The following RTL9 variants were observed in gnomAD, a reference collection of about 807,000 sequenced individuals.
RTL9 encodes the protein retrotransposon Gag-like protein 9.
A neutral mutation model predicts 44.7 loss-of-function variants in RTL9; 19 were observed. The observed-to-expected ratio is 0.42, with a 90% confidence interval of 0.30 to 0.62. The LOEUF is 0.62. Ranked by LOEUF, RTL9 falls within the 20% of genes least tolerant of loss-of-function variation. The pLI, the probability that RTL9 is intolerant of heterozygous loss-of-function variation, is 0.16. For missense variants in RTL9, 1,105 were observed against 1,080.6 expected, an observed-to-expected ratio of 1.02 and a Z score of -0.32; for synonymous variants, 407 against 398.9, an observed-to-expected ratio of 1.02 and a Z score of -0.24.
intron 1 of RTL9, among the ~76,000 whole-genome samples, chrX:110,375,563 T>C (rs2068370711): frequency 9.2e-6 from 1 of 108,696 alleles, no homozygotes; most frequent in South Asian, 3.8e-4. Context: ...AATGAATGAA[T>C]CAATCAATCA....
At chrX:110,410,958 T>G (rs1194106972) in intron 1 of RTL9, among the ~76,000 whole-genome samples, 1 of 112,121 alleles carries the variant, frequency 8.9e-6, no homozygotes, top group African/African-American at 3.2e-5. Context: ...CACTTCCTAT[T>G]TTGGTTCCTA....
chrX:110,440,612 A>C (rs756652629), intron 1 of RTL9, among the ~76,000 whole-genome samples: 40 of 112,210 alleles, frequency 3.6e-4, no homozygotes, highest in Middle Eastern at 4.6e-3. Context: ...TTTCATGCCC[A>C]GGTCTCTGAT....
chrX:110,452,844 G>A (rs2068953529), exon 1 of RTL9: 4 of 1,210,066 alleles, frequency 3.3e-6, no homozygotes, highest in Non-Finnish European at 4.5e-6. Flanking sequence ...GACCGCTGGA[G>A]GGATGCAGAT....
At position 110,374,732 on chromosome X, in the gene RTL9, T is replaced by G. The variant is rs2068364063; in HGVS notation, c.-168+15816T>G. Reference sequence around the variant, plus strand: ...TGGAGGGTGCAAAGGACAGCTTCTATGTTTGTGGGATGGAGGTAAGAAGAG... The same window carrying G: ...TGGAGGGTGCAAAGGACAGCTTCTAGGTTTGTGGGATGGAGGTAAGAAGAG... On this transcript the variant is annotated intron_variant, in intron 1 of 2. Transcript: ENST00000520821. 2.7e-5 allele frequency among the ~76,000 whole-genome samples: 3 copies of G among 110,893 alleles called. No individual in the cohort carries two copies. The South Asian group carries it at 1.1e-3, about 42-fold the overall frequency.
intron 1 of RTL9, among the ~76,000 whole-genome samples, chrX:110,423,663 A>G (rs765339385): frequency 2.1e-3 from 235 of 112,342 alleles, no homozygotes; most frequent in Non-Finnish European, 3.5e-3. Context: ...ACTATTCCAT[A>G]TGTGTCAGGC....
chrX:110,365,490 A>C (rs1476336629), intron 1 of RTL9, among the ~76,000 whole-genome samples: 1 of 112,225 alleles, frequency 8.9e-6, no homozygotes, highest in Non-Finnish European at 1.9e-5. Context: ...ATTTAAATGA[A>C]AGCAAAGGCA....
chrX:110,408,754 A>G (rs2068620604), intron 1 of RTL9, among the ~76,000 whole-genome samples: 1 of 112,354 alleles, frequency 8.9e-6, no homozygotes, highest in African/African-American at 3.2e-5. Context: ...GATTCTATAT[A>G]AAGGCACAAG....
intron 1 of RTL9, among the ~76,000 whole-genome samples, chrX:110,442,243 C>CTGTG (rs1239244774): frequency 1.3e-4 from 13 of 103,818 alleles, no homozygotes; most frequent in African/African-American, 2.6e-4. Context: ...CTCTCTCTCT[C>CTGTG]TCTCTGTGTG....
chrX:110,371,551 A>G lies in RTL9; in HGVS notation c.-168+12635A>G, dbSNP rs970895518. Among the ~76,000 whole-genome samples the G allele has an allele frequency of 4.5e-5, 5 of 110,750 alleles. No individual in the cohort carries two copies. The East Asian group carries it at 1.4e-3, about 31-fold the overall frequency. On this transcript the variant is annotated intron_variant, in intron 1 of 2. Coordinates refer to the RTL9 transcript ENST00000520821. ...CCCCCCAGCCCCCCACTACCTTCCCAGCCTCTGGTAACCATATGAATTGGC... is the reference window on the plus strand; with the variant it reads ...CCCCCCAGCCCCCCACTACCTTCCCGGCCTCTGGTAACCATATGAATTGGC...
intron 1 of RTL9, among the ~76,000 whole-genome samples, chrX:110,390,950 C>T (rs2068490031): frequency 9.0e-6 from 1 of 111,465 alleles, no homozygotes; most frequent in Non-Finnish European, 1.9e-5. Context: ...CATTTTTTGT[C>T]ATCTGGAACA....
intron 1 of RTL9, among the ~76,000 whole-genome samples, chrX:110,389,043 A>T (rs1158773233): frequency 8.9e-6 from 1 of 112,137 alleles, no homozygotes; most frequent in East Asian, 2.8e-4. Context: ...TGCACTGTGG[A>T]ACCCTAGAAG....
intron 1 of RTL9, among the ~76,000 whole-genome samples, chrX:110,441,042 G>T (rs2068876335): frequency 8.9e-6 from 1 of 112,054 alleles, no homozygotes; most frequent in African/African-American, 3.2e-5. Flanking sequence ...GGAAAGGTCA[G>T]CATATGTCAT....
At chrX:110,404,680 C>T (rs758217048) in intron 1 of RTL9, among the ~76,000 whole-genome samples, 53 of 111,581 alleles carry the variant, frequency 4.7e-4, no homozygotes, top group Non-Finnish European at 9.6e-4. Flanking sequence ...GCATCATGTG[C>T]CTTTTCTCTC....
intron 1 of RTL9, among the ~76,000 whole-genome samples, chrX:110,400,085 G>A (rs2068553890): frequency 9.1e-6 from 1 of 110,091 alleles, no homozygotes; most frequent in Admixed American, 9.8e-5. Flanking sequence ...CTGAGATGCT[G>A]TAATCTTCCT....
intron 1 of RTL9, among the ~76,000 whole-genome samples, chrX:110,361,060 T>A (rs944621696): frequency 2.7e-5 from 3 of 110,734 alleles, no homozygotes; most frequent in Non-Finnish European, 5.7e-5. Context: ...TCAACTTGCA[T>A]GCCTAATAGG....
intron 1 of RTL9, among the ~76,000 whole-genome samples, chrX:110,393,423 A>G (rs1213573455): frequency 8.9e-6 from 1 of 111,896 alleles, no homozygotes; most frequent in East Asian, 2.8e-4. Context: ...CAAGGCAGAT[A>G]CTATTATCTT....
upstream of RTL9, among the ~76,000 whole-genome samples, chrX:110,446,767 A>G (rs192907959): frequency 2.4e-4 from 27 of 111,884 alleles, no homozygotes; most frequent in East Asian, 7.3e-3. Context: ...AGTGGCTGCT[A>G]CAATTGCACC....
chrX:110,378,382 C>T (rs1390484638), intron 1 of RTL9, among the ~76,000 whole-genome samples: 3 of 111,509 alleles, frequency 2.7e-5, no homozygotes, highest in Non-Finnish European at 5.6e-5. Context: ...AGCAGCCACT[C>T]CACATCCAAT....
intron 1 of RTL9, among the ~76,000 whole-genome samples, chrX:110,391,620 CTT>C (rs2068494133): frequency 8.9e-6 from 1 of 112,116 alleles, no homozygotes; most frequent in South Asian, 3.7e-4. Context: ...GTAATTTTCT[CTT>C]TGTCCCACCA....
Sources: gnomAD v4.1 joint callset for allele counts (sites outside exome capture counted in the v4.1 genomes callset) on GRCh38, gnomAD v4.1.1 for gene constraint, MANE v1.5 for transcripts, NCBI Gene and HGNC (gene_info 2026-07-23, HGNC 2026-07-21) for gene names.